The following PEX5L variants were observed in gnomAD, a reference collection of about 807,000 sequenced individuals.
PEX5L encodes peroxisomal biogenesis factor 5 like, also known as PEX5-related protein.
Under a neutral mutation model 84.0 loss-of-function variants are expected in PEX5L, and 30 were observed. That is an observed-to-expected ratio of 0.36 (90% CI 0.27 to 0.48). The LOEUF (loss-of-function observed/expected upper bound fraction) is 0.48. Ranked by LOEUF, PEX5L falls within the 20% of genes least tolerant of loss-of-function variation. PEX5L has a pLI of 0.99. For missense variants in PEX5L, 533 were observed against 754.6 expected, an observed-to-expected ratio of 0.71 and a Z score of 3.44; for synonymous variants, 270 against 283.1, an observed-to-expected ratio of 0.95 and a Z score of 0.46.
In PEX5L at chr3:180,032,679, C is replaced by A. The variant is rs1791565858; in HGVS notation, c.21+3900G>T. On this transcript the variant is annotated intron_variant, in intron 1 of 14. Transcript: ENST00000467460. ...GACCAGCCTGGACAACATGGTGAAA[C>A]CCTGTCTCTACAAAAAATACAAAAA... Among the ~76,000 whole-genome samples the A allele has an allele frequency of 1.3e-5, 2 of 152,132 alleles. 1 individual carries two copies.
intron 8 of PEX5L, among the ~76,000 whole-genome samples, chr3:179,825,215 C>T (rs905343718): frequency 6.6e-6 from 1 of 152,182 alleles, no homozygotes; most frequent in African/African-American, 2.4e-5. Context: ...GAGAGCTGAG[C>T]AAACCAGCCC....
chr3:179,980,090 T>C (rs1458707282), intron 1 of PEX5L, among the ~76,000 whole-genome samples: 1 of 152,234 alleles, frequency 6.6e-6, no homozygotes, highest in Non-Finnish European at 1.5e-5. Flanking sequence ...TTTCCCTCGA[T>C]GTTTATACCT....
intron 1 of PEX5L, among the ~76,000 whole-genome samples, chr3:180,034,597 A>G (rs1293702420): frequency 6.6e-6 from 1 of 152,198 alleles, no homozygotes; most frequent in Admixed American, 6.5e-5. Flanking sequence ...CATTCAGATC[A>G]TCATACTATT....
At chr3:179,865,861 A>C (rs559725878) in intron 7 of PEX5L, among the ~76,000 whole-genome samples, 32 of 152,170 alleles carry the variant, frequency 2.1e-4, no homozygotes, top group Non-Finnish European at 3.7e-4. Flanking sequence ...CTACACAGAG[A>C]ACCTTTGATC....
intron 3 of PEX5L, among the ~76,000 whole-genome samples, chr3:179,896,690 G>A (rs1759425527): frequency 6.6e-6 from 1 of 152,088 alleles, no homozygotes; most frequent in Non-Finnish European, 1.5e-5. Context: ...CAGTACAACT[G>A]TGCCAATTGC....
At chr3:179,939,299 T>C (rs1775426270) in intron 2 of PEX5L, among the ~76,000 whole-genome samples, 3 of 152,200 alleles carry the variant, frequency 2.0e-5, no homozygotes, top group African/African-American at 7.2e-5. Flanking sequence ...AAATTCTTAG[T>C]CCAGTGGCTC....
chr3:179,972,669 C>T (rs369273011), intron 1 of PEX5L, among the ~76,000 whole-genome samples: 1 of 152,140 alleles, frequency 6.6e-6, no homozygotes, highest in African/African-American at 2.4e-5. Context: ...TTAGGGTCCT[C>T]ATCTCATTCA....
chr3:179,858,872 A>T (rs974672696), intron 8 of PEX5L, among the ~76,000 whole-genome samples, 190 bp downstream of exon 8: 1 of 152,242 alleles, frequency 6.6e-6, no homozygotes, highest in African/African-American at 2.4e-5. Flanking sequence ...GTGGGAAATC[A>T]AATGTTCTCT....
intron 1 of PEX5L, among the ~76,000 whole-genome samples, chr3:179,993,437 C>T (rs1787568359): frequency 1.3e-5 from 2 of 152,114 alleles, no homozygotes; most frequent in African/African-American, 4.8e-5. Context: ...TGCCCAAGTA[C>T]CTTATACAAA....
intron 3 of PEX5L, among the ~76,000 whole-genome samples, chr3:179,890,644 T>C (rs1757323205): frequency 6.6e-6 from 1 of 152,160 alleles, no homozygotes; most frequent in Non-Finnish European, 1.5e-5. Context: ...TACTCTTTCT[T>C]TACTTTGGAT....
At chr3:179,994,755 G>A (rs1304515866) in intron 1 of PEX5L, among the ~76,000 whole-genome samples, 1 of 152,050 alleles carries the variant, frequency 6.6e-6, no homozygotes, top group East Asian at 1.9e-4. Flanking sequence ...TATCTGGGTG[G>A]GCATCATCTA....
intron 2 of PEX5L, among the ~76,000 whole-genome samples, chr3:179,914,703 A>T (rs1363654012): frequency 6.6e-6 from 1 of 152,242 alleles, no homozygotes; most frequent in Non-Finnish European, 1.5e-5. Context: ...CTCCACCAAC[A>T]TCCGAGGCAA....
intron 1 of PEX5L, among the ~76,000 whole-genome samples, chr3:179,997,846 A>C (rs1448381550): frequency 6.6e-6 from 1 of 152,250 alleles, no homozygotes; most frequent in Non-Finnish European, 1.5e-5. Flanking sequence ...GGCCCACCAG[A>C]AGCAATTTGT....
chr3:179,953,708 G>A, intron 2 of PEX5L, among the ~76,000 whole-genome samples: 1 of 152,258 alleles, frequency 6.6e-6, no homozygotes, highest in Non-Finnish European at 1.5e-5. Flanking sequence ...TAAGTCTGGG[G>A]CCTCACTATG....
intron 2 of PEX5L, among the ~76,000 whole-genome samples, chr3:179,967,901 C>G (rs940873630): frequency 2.6e-5 from 4 of 152,146 alleles, no homozygotes; most frequent in Non-Finnish European, 5.9e-5. Context: ...ATCCAGTAAT[C>G]TATGTTATAT....
intron 2 of PEX5L, among the ~76,000 whole-genome samples, chr3:179,911,892 TC>T (rs1482172183): frequency 6.6e-6 from 1 of 152,102 alleles, no homozygotes; most frequent in Non-Finnish European, 1.5e-5. Flanking sequence ...ACTTTCAAAG[TC>T]TAAGAAAGGA....
intron 2 of PEX5L, among the ~76,000 whole-genome samples, chr3:179,922,952 T>G (rs1206286618): frequency 6.6e-6 from 1 of 152,160 alleles, no homozygotes; most frequent in Non-Finnish European, 1.5e-5. Flanking sequence ...AATTTTAATA[T>G]TTTGGATATT....
chr3:180,026,099 G>T lies in PEX5L; in HGVS notation c.21+10480C>A, dbSNP rs935150300. 2.7e-5 allele frequency among the ~76,000 whole-genome samples: 4 copies of T among 145,588 alleles called. No individual in the cohort carries two copies. In the East Asian group the frequency reaches 8.4e-4, roughly 30 times the overall value. On this transcript the variant is annotated intron_variant, in intron 1 of 14. Coordinates refer to ENST00000467460, the MANE Select transcript of PEX5L (RefSeq NM_016559.3). ...CAAATGTGAGGAATTATTAAGCGAC[G>T]TATGATGAATGTCATCAAAAGCCTT...
intron 1 of PEX5L, among the ~76,000 whole-genome samples, chr3:180,018,766 G>A (rs1370529993): frequency 2.6e-5 from 4 of 152,180 alleles, no homozygotes; most frequent in African/African-American, 4.8e-5. Flanking sequence ...ACCCAGGCCT[G>A]CCTGTCTTAC....
Sources: allele counts gnomAD v4.1 joint callset (sites outside exome capture counted in the v4.1 genomes callset), GRCh38; gene constraint gnomAD v4.1.1; transcripts MANE v1.5; gene names NCBI Gene and HGNC (gene_info 2026-07-23, HGNC 2026-07-21).